Variants in OSBPL10 observed in about 807,000 individuals in gnomAD.
OSBPL10 encodes oxysterol binding protein like 10.
OSBPL10 carries 49 observed loss-of-function variants against 81.7 expected under a neutral mutation model. The observed-to-expected ratio is 0.60, with a 90% CI of 0.48 to 0.76. OSBPL10 has a LOEUF of 0.76. OSBPL10 is among the 30% of genes least tolerant of loss of function. The pLI is 0.00. For missense variants in OSBPL10, 923 were observed against 987.8 expected (o/e 0.93, Z 0.88); for synonymous variants, 419 against 383.6 (o/e 1.09, Z -1.08).
At chr3:31,898,571 C>T (rs1447434878) in intron 1 of OSBPL10, among the ~76,000 whole-genome samples, 3 of 136,246 alleles carry the variant, frequency 2.2e-5, no homozygotes, top group African/African-American at 8.6e-5. Flanking sequence ...ATAGCAAGAC[C>T]CTGTCTCTTA....
rs76442697 is a variant in OSBPL10 at position 31,948,446 on chromosome 3, C to T, written c.281+32453G>A. 0.015 allele frequency among the ~76,000 whole-genome samples: 2,227 copies of T among 152,196 alleles called. 162 individuals carry two copies. The East Asian group carries it at 0.22, about 15-fold the overall frequency. On this transcript the variant is annotated intron_variant, in intron 1 of 11. Coordinates refer to ENST00000396556, the MANE Select transcript of OSBPL10 (RefSeq NM_017784.5). ...CTCCCAAGTAACTGGGTTTATTGTT[C>T]CCTATTGCAAGCAGCAGCCTGCAGT...
chr3:31,946,688 G>A (rs1646211145), intron 1 of OSBPL10, among the ~76,000 whole-genome samples: 1 of 152,224 alleles, frequency 6.6e-6, no homozygotes, highest in African/African-American at 2.4e-5. Context: ...CGGCTAAGGA[G>A]AGGGAACAAG....
At chr3:31,941,585 TA>T (rs1374852832) in intron 1 of OSBPL10, among the ~76,000 whole-genome samples, 1 of 152,184 alleles carries the variant, frequency 6.6e-6, no homozygotes, top group Non-Finnish European at 1.5e-5. Context: ...GCTGCCTGCC[TA>T]CTGCCAAGAT....
chr3:31,670,928 G>A lies in OSBPL10; in HGVS notation c.1782C>T (p.Ala594=). The A allele has an allele frequency of 6.2e-7, 1 of 1,614,178 alleles. No homozygotes were observed. Among genetic ancestry groups the A allele is most frequent in the Non-Finnish European group, 8.5e-7 (1 of 1,180,008 alleles). The stretch of plus-strand genomic sequence containing the variant: ...GGATGGTGAGAATGGACCGGGCGTA[G>A]GCACTAGGCAGGGTGAATACGTACT... ...GEEYVFTLPS[A]YARSILTIPW... Residue 594 remains alanine (A), a synonymous_variant, in exon 9 of 12, where the codon GCC becomes GCT. Transcript: ENST00000396556.
chr3:31,927,004 G>C (rs1056517419), intron 1 of OSBPL10, among the ~76,000 whole-genome samples: 1 of 152,050 alleles, frequency 6.6e-6, no homozygotes, highest in Non-Finnish European at 1.5e-5. Context: ...CCAGCTACTC[G>C]GGAGACTGAG....
intron 1 of OSBPL10, among the ~76,000 whole-genome samples, chr3:32,056,133 G>A (rs922660944): frequency 2.0e-5 from 3 of 152,120 alleles, no homozygotes; most frequent in African/African-American, 7.2e-5. Context: ...AATAAGAACT[G>A]GAGAGAGAAA....
At chr3:32,021,397 T>G (rs1398886733) in intron 2 of OSBPL10, among the ~76,000 whole-genome samples, 5 of 152,196 alleles carry the variant, frequency 3.3e-5, no homozygotes. Context: ...CTGGGTTACG[T>G]TTAACATTTT....
chr3:31,887,723 G>T (rs9838995), intron 1 of OSBPL10, among the ~76,000 whole-genome samples: 2,426 of 152,276 alleles, frequency 0.016, 63 homozygotes, highest in African/African-American at 0.055. Flanking sequence ...CTGGAAGTAA[G>T]ACACTGGATC....
chr3:31,789,616 C>A (rs1378576071), intron 4 of OSBPL10, among the ~76,000 whole-genome samples: 1 of 152,080 alleles, frequency 6.6e-6, no homozygotes, highest in Non-Finnish European at 1.5e-5. Context: ...GGCACTGCCT[C>A]AAGAAAGATA....
chr3:31,680,250 G>A (rs1700606487), intron 8 of OSBPL10, among the ~76,000 whole-genome samples: 1 of 152,202 alleles, frequency 6.6e-6, no homozygotes, highest in African/African-American at 2.4e-5. Flanking sequence ...CCCTGGCTGT[G>A]TCCATATAGG....
chr3:31,768,684 A>C (rs1317001263), intron 4 of OSBPL10, among the ~76,000 whole-genome samples: 1 of 152,204 alleles, frequency 6.6e-6, no homozygotes, highest in East Asian at 1.9e-4. Context: ...CTCCCTTCCT[A>C]GGCTTCTGAC....
chr3:31,803,932 G>T (rs185075627), intron 4 of OSBPL10, among the ~76,000 whole-genome samples: 3 of 152,068 alleles, frequency 2.0e-5, no homozygotes, highest in Admixed American at 2.0e-4. Flanking sequence ...ACTTGGTTGC[G>T]GTGGTGTCCA....
chr3:32,030,305 G>C, intron 2 of OSBPL10: 1 of 453,354 alleles, frequency 2.2e-6, no homozygotes, highest in South Asian at 1.9e-5. Context: ...TATAAGAAAG[G>C]TGATACTGTG....
intron 8 of OSBPL10, among the ~76,000 whole-genome samples, chr3:31,674,088 C>A (rs1196601480): frequency 6.6e-6 from 1 of 152,132 alleles, no homozygotes; most frequent in Non-Finnish European, 1.5e-5. Context: ...ATATTTGACC[C>A]CCTCCAAAAC....
chr3:31,891,733 T>C (rs1322013893), intron 1 of OSBPL10, among the ~76,000 whole-genome samples: 1 of 152,220 alleles, frequency 6.6e-6, no homozygotes, highest in Non-Finnish European at 1.5e-5. Context: ...CACACTCAGC[T>C]GTCAGTGTGG....
At chr3:31,844,323 G>GGCATT (rs1700575321) in intron 3 of OSBPL10, among the ~76,000 whole-genome samples, 3 of 152,078 alleles carry the variant, frequency 2.0e-5, no homozygotes, top group Admixed American at 1.3e-4. Context: ...TTATACAAAA[G>GGCATT]AATTAAAAAC....
At chr3:31,901,052 C>T (rs542800656) in intron 1 of OSBPL10, among the ~76,000 whole-genome samples, 342 of 152,276 alleles carry the variant, frequency 2.2e-3, no homozygotes, top group African/African-American at 7.7e-3. Context: ...AGACATTAAA[C>T]GAAAATAGAT....
intron 1 of OSBPL10, among the ~76,000 whole-genome samples, chr3:31,959,473 T>C (rs1698100564): frequency 6.6e-6 from 1 of 152,180 alleles, no homozygotes; most frequent in Non-Finnish European, 1.5e-5. Context: ...AATCTGTTAA[T>C]ACCCCAGGAT....
rs67616509 is a variant in OSBPL10 at position 31,678,782 on chromosome 3, C to CTGTGTGTGTGTGTGTG, written c.1726+4836_1726+4851dup. On this transcript the variant is annotated intron_variant, in intron 8 of 11. Transcript: ENST00000396556. ...TACTCTGACTAATCACAGATTCAAACTGTGTGTGTGTGTGTGTGTGTGTGT... is the reference window on the plus strand; with the variant it reads ...TACTCTGACTAATCACAGATTCAAACTGTGTGTGTGTGTGTGTGTGTGTGTGTGTGTGTGTGTGTGT... Among the ~76,000 whole-genome samples, 1,142 of 135,610 alleles carry CTGTGTGTGTGTGTGTG rather than the reference C, an allele frequency of 8.4e-3. 8 individuals are homozygous for CTGTGTGTGTGTGTGTG. Among genetic ancestry groups the CTGTGTGTGTGTGTGTG allele is most frequent in the African/African-American group, 9.6e-3 (351 of 36,572 alleles). The allele number at this position is 135,610 out of a possible 152,430, so 89.0% of individuals were successfully genotyped here. A position where few individuals can be genotyped will look rare whatever the true frequency, so the allele number is the denominator to read the frequency against.
Sources: allele counts gnomAD v4.1 joint callset (sites outside exome capture counted in the v4.1 genomes callset), GRCh38; gene constraint gnomAD v4.1.1; transcripts MANE v1.5; gene names NCBI Gene and HGNC (gene_info 2026-07-23, HGNC 2026-07-21).